The following STIM2 variants were observed in gnomAD, a reference collection of about 807,000 sequenced individuals.
STIM2 encodes the protein stromal interaction molecule 2.
STIM2 carries 31 observed loss-of-function variants against 85.8 expected under a neutral mutation model. The observed-to-expected ratio is 0.36, with a 90% confidence interval of 0.27 to 0.49. STIM2 has a LOEUF of 0.49. Ranked by LOEUF, STIM2 falls within the 20% of genes least tolerant of loss-of-function variation. STIM2 has a pLI of 0.98. For missense variants in STIM2, 841 were observed against 927.6 expected (o/e 0.91, Z 1.21); for synonymous variants, 356 against 331.1 (o/e 1.08, Z -0.82).
At chr4:26,865,895 T>A (rs1198761364) in intron 1 of STIM2, among the ~76,000 whole-genome samples, 2 of 152,196 alleles carry the variant, frequency 1.3e-5, no homozygotes, top group Non-Finnish European at 2.9e-5. Context: ...GCACATTTAT[T>A]AAACTGTTCC....
chr4:26,973,202 G>C (rs1043693815), intron 3 of STIM2, among the ~76,000 whole-genome samples: 7 of 151,992 alleles, frequency 4.6e-5, no homozygotes, highest in Non-Finnish European at 1.0e-4. Context: ...CTCCTGGATT[G>C]ATTGATTTTT....
intron 1 of STIM2, among the ~76,000 whole-genome samples, chr4:26,904,742 G>T (rs922930826): frequency 6.6e-6 from 1 of 151,964 alleles, no homozygotes. Flanking sequence ...AGTGAAGTGG[G>T]GTTGAGAGTG....
chr4:26,873,913 AG>A lies in STIM2; in HGVS notation c.151+12548del, dbSNP rs1371800392. On this transcript the variant is annotated intron_variant, in intron 1 of 11. Coordinates refer to ENST00000467087, the MANE Select transcript of STIM2 (RefSeq NM_020860.4). ...CCCAGGGGTCTGCGGCTGAGTGGAC[AG>A]GGGCGCCTCCAGACAGCTGGGTGCT... is the stretch of plus-strand genomic sequence containing the variant. The A allele has an allele frequency of 6.5e-6, 9 of 1,375,482 alleles. No homozygotes were observed. In the East Asian group the frequency reaches 1.5e-4, roughly 22 times the overall value. 85.2% of individuals were successfully genotyped at this position (1,375,482 alleles called of 1,614,324 possible).
chr4:26,954,601 G>A (rs551774329), intron 2 of STIM2, among the ~76,000 whole-genome samples: 1 of 148,358 alleles, frequency 6.7e-6, no homozygotes, highest in Non-Finnish European at 1.5e-5. Context: ...AATTTCTGTA[G>A]TTACCCTACT....
intron 3 of STIM2, among the ~76,000 whole-genome samples, chr4:26,986,404 T>C (rs1477208675): frequency 6.6e-6 from 1 of 152,246 alleles, no homozygotes; most frequent in Non-Finnish European, 1.5e-5. Flanking sequence ...ATATTAAATA[T>C]AACAAATGAA....
Position 27,005,502 on chromosome 4 carries a change from C to T in STIM2, c.982-2031C>T, listed in dbSNP as rs139716109. On this transcript the variant is annotated intron_variant, in intron 7 of 11. Coordinates refer to ENST00000467087, the MANE Select transcript of STIM2 (RefSeq NM_020860.4). ...GTTTTTACTTACTGTTGTTTTATTCCAAAGATACAAAAATCATGTAAATAA... is the reference window on the plus strand; with the variant it reads ...GTTTTTACTTACTGTTGTTTTATTCTAAAGATACAAAAATCATGTAAATAA... Among the ~76,000 whole-genome samples, 436 of 152,136 alleles carry T rather than the reference C, an allele frequency of 2.9e-3. 1 individual carries two copies. Among genetic ancestry groups the T allele is most frequent in the Non-Finnish European group, 4.7e-3 (321 of 67,974 alleles).
At chr4:26,987,094 A>T (rs974574951) in intron 3 of STIM2, among the ~76,000 whole-genome samples, 1 of 152,168 alleles carries the variant, frequency 6.6e-6, no homozygotes, top group Admixed American at 6.5e-5. Flanking sequence ...GCTGGGATGT[A>T]CCTATGCATG....
Position 26,908,779 on chromosome 4 carries a change from C to A in STIM2, c.152-10725C>A, listed in dbSNP as rs116710529. On this transcript the variant is annotated intron_variant, in intron 1 of 11. Transcript: ENST00000467087. Reference sequence around the variant, plus strand: ...GATTAGAGGCGTGAGCCACTGCACCCGGCCACAGTCATTGTTTTATATAAT... The same window carrying A: ...GATTAGAGGCGTGAGCCACTGCACCAGGCCACAGTCATTGTTTTATATAAT... Among the ~76,000 whole-genome samples the A allele has an allele frequency of 4.0e-3, 602 of 152,342 alleles. 6 individuals carry two copies. Among genetic ancestry groups the A allele is most frequent in the African/African-American group, 0.014 (571 of 41,566 alleles).
At position 26,999,245 on chromosome 4, in the gene STIM2, G is replaced by A. The variant is rs776078709; in HGVS notation, c.523G>A (p.Glu175Lys). 3 of 1,604,490 alleles carry A rather than the reference G, an allele frequency of 1.9e-6. No homozygotes were observed. Among genetic ancestry groups the A allele is most frequent in the South Asian group, 1.1e-5 (1 of 90,232 alleles). ...TCAAATAAACAGGATAGCAGTGCAC[G>A]AACCTTCATTTATGATCTCCCAGTT... The change falls in exon 5 of 12, where the codon GAA becomes AAA. Residue 175 changes from glutamate (E) to lysine (K), a missense_variant. Glu to Lys is a moderately conservative substitution (Grantham distance 56). Around this residue, in one of 3 missense-constraint regions of STIM2, gnomAD observed 408 missense variants for 525.4 expected, o/e 0.78. Coordinates refer to ENST00000467087, the MANE Select transcript of STIM2 (RefSeq NM_020860.4).
chr4:26,932,857 A>G (rs1194348839), intron 2 of STIM2, among the ~76,000 whole-genome samples: 1 of 152,230 alleles, frequency 6.6e-6, no homozygotes, highest in African/African-American at 2.4e-5. Context: ...ACAGTGTGCT[A>G]GATGTTGGCT....
intron 2 of STIM2, among the ~76,000 whole-genome samples, chr4:26,921,359 T>C (rs1724791156): frequency 6.6e-6 from 1 of 152,202 alleles, no homozygotes; most frequent in African/African-American, 2.4e-5. Flanking sequence ...TGGTAAGCCA[T>C]CCAATTTATG....
intron 10 of STIM2, among the ~76,000 whole-genome samples, chr4:27,014,722 C>T (rs527774384): frequency 1.3e-4 from 19 of 151,874 alleles, no homozygotes; most frequent in African/African-American, 3.4e-4. Context: ...CTTCTGTATA[C>T]GTATACATTT....
chr4:27,001,169 T>C (rs149836682), intron 5 of STIM2, among the ~76,000 whole-genome samples: 1 of 152,320 alleles, frequency 6.6e-6, no homozygotes, highest in Non-Finnish European at 1.5e-5. Context: ...AACTTCAAAA[T>C]ATGTTTCTGC....
chr4:26,946,445 T>C (rs1725834722), intron 2 of STIM2, among the ~76,000 whole-genome samples: 1 of 152,196 alleles, frequency 6.6e-6, no homozygotes, highest in Non-Finnish European at 1.5e-5. Context: ...GGAGGAAGAA[T>C]CTGATGAGTG....
At chr4:26,868,749 T>C (rs915601052) in intron 1 of STIM2, among the ~76,000 whole-genome samples, 1 of 152,182 alleles carries the variant, frequency 6.6e-6, no homozygotes, top group African/African-American at 2.4e-5. Flanking sequence ...TTATTCCTAT[T>C]GTCCAGCAAT....
chr4:26,979,585 A>G (rs1727309031), intron 3 of STIM2, among the ~76,000 whole-genome samples: 1 of 152,194 alleles, frequency 6.6e-6, no homozygotes, highest in African/African-American at 2.4e-5. Flanking sequence ...AGGAAAAGGA[A>G]CAACTATAAA....
At chr4:26,999,396 C>T (rs1170268321) in intron 5 of STIM2, 49 bp downstream of exon 5, 2 of 1,170,656 alleles carry the variant, frequency 1.7e-6, no homozygotes, top group South Asian at 3.1e-5. Context: ...ATATCCTGAT[C>T]ATCTCTGTGT....
intron 1 of STIM2, among the ~76,000 whole-genome samples, chr4:26,903,844 A>G (rs1464391201): frequency 6.6e-6 from 1 of 152,122 alleles, no homozygotes; most frequent in Non-Finnish European, 1.5e-5. Flanking sequence ...ATAATTGTTT[A>G]ATTGAAAATG....
At chr4:26,949,780 T>C (rs1409423854) in intron 2 of STIM2, among the ~76,000 whole-genome samples, 3 of 152,308 alleles carry the variant, frequency 2.0e-5, no homozygotes, top group East Asian at 3.9e-4. Context: ...CCTCCTCTTA[T>C]CTTCCTGATG....
Sources: gnomAD v4.1 joint callset for allele counts (sites outside exome capture counted in the v4.1 genomes callset) on GRCh38, gnomAD v4.1.1 for gene constraint, gnomAD v4.1.1 regional missense constraint, MANE v1.5 for transcripts, NCBI Gene and HGNC (gene_info 2026-07-23, HGNC 2026-07-21) for gene names.